The following DAB1 variants were observed in gnomAD, a reference collection of about 807,000 sequenced individuals.
The protein encoded by DAB1 is disabled homolog 1.
A neutral mutation model predicts 64.6 loss-of-function variants in DAB1; 15 were observed. The ratio of observed to expected loss-of-function variants is 0.23; its 90% CI spans 0.16 to 0.36. The LOEUF (loss-of-function observed/expected upper bound fraction) is 0.36. Ranked by LOEUF, DAB1 falls within the 10% of genes least tolerant of loss-of-function variation. The pLI is 1.00. For missense variants in DAB1, 596 were observed against 706.7 expected, an observed-to-expected ratio of 0.84 and a Z score of 1.78; for synonymous variants, 235 against 251.9, an observed-to-expected ratio of 0.93 and a Z score of 0.64.
chr1:57,323,636 T>C (rs1675910413), intron 1 of DAB1, among the ~76,000 whole-genome samples: 1 of 152,138 alleles, frequency 6.6e-6, no homozygotes, highest in African/African-American at 2.4e-5. Context: ...CTCAGCTATG[T>C]TGTATGCCCT....
At chr1:58,225,407 T>C (rs1183242907) in intron 4 of DAB1, among the ~76,000 whole-genome samples, 1 of 151,960 alleles carries the variant, frequency 6.6e-6, no homozygotes, top group African/African-American at 2.4e-5. Context: ...AGTGTGGCGA[T>C]TCCTCAGGGA....
chr1:58,055,260 C>A (rs1177616767), intron 5 of DAB1, among the ~76,000 whole-genome samples: 1 of 152,192 alleles, frequency 6.6e-6, no homozygotes, highest in Non-Finnish European at 1.5e-5. Flanking sequence ...TCCTAGCATG[C>A]ACATCCTTGA....
upstream of DAB1, among the ~76,000 whole-genome samples, chr1:57,428,896 T>G (rs552274454): frequency 7.5e-4 from 110 of 147,532 alleles, no homozygotes; most frequent in African/African-American, 2.6e-3. Context: ...GTTTTGATTT[T>G]TTTTGTTGTT....
chr1:58,382,075 G>A lies in DAB1; in HGVS notation n.258-38672C>T, dbSNP rs540025613. On this transcript the variant is annotated intron_variant and non_coding_transcript_variant, in intron 3 of 20. Coordinates refer to the DAB1 transcript ENST00000485760. The stretch of plus-strand genomic sequence containing the variant: ...TGCTTTGAGAAACCCAACTAAGAGA[G>A]TGTGGATGGAGGAAGAGAAGGCAAT... Among the ~76,000 whole-genome samples the A allele has an allele frequency of 5.3e-5, 8 of 152,350 alleles. No homozygotes were observed. The South Asian group carries it at 1.7e-3, about 32-fold the overall frequency.
At chr1:58,005,854 T>C (rs1646574960) in intron 5 of DAB1, among the ~76,000 whole-genome samples, 1 of 152,170 alleles carries the variant, frequency 6.6e-6, no homozygotes, top group Non-Finnish European at 1.5e-5. Context: ...ATTTAATTCT[T>C]ACAACAACTC....
At position 57,059,425 on chromosome 1, in the gene DAB1, T is replaced by G. The variant is rs570152602; in HGVS notation, c.723+3459A>C. ...GGCAGTTTCTCTTCTTATGGGAAAT[T>G]TGTGGAAGTCTTACGACTTTCTGGA... is the stretch of plus-strand genomic sequence containing the variant. On this transcript the variant is annotated intron_variant, in intron 9 of 14. Transcript: ENST00000371236. Among the ~76,000 whole-genome samples, 54 of 152,184 alleles carry G rather than the reference T, an allele frequency of 3.5e-4. No individual in the cohort carries two copies. The South Asian group carries it at 0.011, about 31-fold the overall frequency.
At chr1:58,155,251 A>T (rs2100740082) in intron 4 of DAB1, among the ~76,000 whole-genome samples, 1 of 152,246 alleles carries the variant, frequency 6.6e-6, no homozygotes, top group Non-Finnish European at 1.5e-5. Flanking sequence ...CTATACCTAG[A>T]CTCTAGGTCA....
At chr1:57,250,432 A>G (rs1349458739) in intron 2 of DAB1, among the ~76,000 whole-genome samples, 1 of 152,200 alleles carries the variant, frequency 6.6e-6, no homozygotes, top group Non-Finnish European at 1.5e-5. Flanking sequence ...ACTCCAGTCT[A>G]GGCAGAGACC....
At chr1:57,919,465 G>A (rs143269557) in intron 5 of DAB1, among the ~76,000 whole-genome samples, 1 of 152,302 alleles carries the variant, frequency 6.6e-6, no homozygotes, top group East Asian at 1.9e-4. Flanking sequence ...AACACACCCT[G>A]GGGTCAGAGG....
At chr1:57,406,745 T>A (rs764920923) in intron 1 of DAB1, among the ~76,000 whole-genome samples, 1 of 152,198 alleles carries the variant, frequency 6.6e-6, no homozygotes, top group Non-Finnish European at 1.5e-5. Context: ...TTAGCTGAAA[T>A]GCAGCCAACA....
In DAB1 at chr1:58,300,633, AGAGAGAGAGAGAG is replaced by A. The variant is rs1557726184; in HGVS notation, n.309+42706_309+42718del. On this transcript the variant is annotated intron_variant and non_coding_transcript_variant, in intron 4 of 20. Transcript: ENST00000485760. ...GAAAGAGAGAGAGAGAGAGAGAGAG[AGAGAGAGAGAGAG>A]AGGAAGGAAGGAAGGAAGGAAGGAA... Among the ~76,000 whole-genome samples, 512 of 64,316 alleles carry A rather than the reference AGAGAGAGAGAGAG, an allele frequency of 8.0e-3. 17 individuals are homozygous for A. Among genetic ancestry groups the A allele is most frequent in the Middle Eastern group, 0.021 (3 of 146 alleles). 42.2% of individuals were successfully genotyped at this position (64,316 alleles called of 152,430 possible). A position where few individuals can be genotyped will look rare whatever the true frequency, so the allele number is the denominator to read the frequency against.
intron 1 of DAB1, among the ~76,000 whole-genome samples, chr1:57,349,792 T>C (rs914119289): frequency 6.6e-6 from 1 of 152,286 alleles, no homozygotes; most frequent in East Asian, 1.9e-4. Context: ...AGAAACTAAT[T>C]ATACTCATTG....
chr1:57,205,359 A>C (rs1665450923), intron 2 of DAB1, among the ~76,000 whole-genome samples: 1 of 152,224 alleles, frequency 6.6e-6, no homozygotes, highest in Non-Finnish European at 1.5e-5. Context: ...AGAGCAGTGG[A>C]CAAAATAGGC....
chr1:58,290,978 A>G (rs1661815578), intron 4 of DAB1, among the ~76,000 whole-genome samples: 1 of 152,194 alleles, frequency 6.6e-6, no homozygotes, highest in Admixed American at 6.5e-5. Flanking sequence ...CAAAGACAGA[A>G]GGGCATAAAG....
intron 9 of DAB1, among the ~76,000 whole-genome samples, chr1:57,060,174 G>A (rs1462560106): frequency 2.0e-5 from 1 of 50,434 alleles, no homozygotes; most frequent in Non-Finnish European, 6.6e-5. Context: ...TATTTGAGAC[G>A]GAGTTTGGCT....
At chr1:58,103,990 C>T (rs1040857202) in intron 5 of DAB1, among the ~76,000 whole-genome samples, 3 of 152,202 alleles carry the variant, frequency 2.0e-5, no homozygotes, top group African/African-American at 7.2e-5. Context: ...GCAGTTCCCA[C>T]CTTCAGATCC....
At chr1:57,987,922 T>C (rs1171905349) in intron 5 of DAB1, among the ~76,000 whole-genome samples, 1 of 151,978 alleles carries the variant, frequency 6.6e-6, no homozygotes, top group Non-Finnish European at 1.5e-5. Flanking sequence ...CGAGTATACT[T>C]GGGATGCGAT....
chr1:57,305,974 AAAAAAAAAAAAG>A (rs1262294593), intron 1 of DAB1, among the ~76,000 whole-genome samples: 1 of 148,694 alleles, frequency 6.7e-6, no homozygotes, highest in Non-Finnish European at 1.5e-5. Flanking sequence ...GTCTCAAAAA[AAAAAAAAAAAAG>A]AAAAAAGAAA....
At chr1:57,388,516 G>A (rs551279477) in intron 1 of DAB1, among the ~76,000 whole-genome samples, 1 of 152,252 alleles carries the variant, frequency 6.6e-6, no homozygotes, top group Non-Finnish European at 1.5e-5. Flanking sequence ...CCAGCCGCAT[G>A]TGCCTGCCCC....
Sources: gnomAD v4.1 joint callset for allele counts (sites outside exome capture counted in the v4.1 genomes callset) on GRCh38, gnomAD v4.1.1 for gene constraint, MANE v1.5 for transcripts, NCBI Gene and HGNC (gene_info 2026-07-23, HGNC 2026-07-21) for gene names.